The following DNAI2 variants were observed in gnomAD, a reference collection of about 807,000 sequenced individuals.
DNAI2 encodes dynein, axonemal, intermediate polypeptide 2.
A neutral mutation model predicts 74.7 loss-of-function variants in DNAI2; 63 were observed. The observed-to-expected ratio is 0.84, with a 90% confidence interval of 0.69 to 1.04. DNAI2 has a LOEUF of 1.04. DNAI2 is among the 50% of genes least tolerant of loss of function. The probability of loss-of-function intolerance (pLI) is 0.00; values close to 1 mark genes in which losing one functional copy is unlikely to be tolerated. For missense variants in DNAI2, 688 were observed against 803.2 expected (o/e 0.86, Z 1.73); for synonymous variants, 289 against 314.9 (o/e 0.92, Z 0.87).
intron 4 of DNAI2, among the ~76,000 whole-genome samples, chr17:74,288,786 G>A (rs566925052): frequency 4.6e-5 from 7 of 152,086 alleles, no homozygotes; most frequent in Non-Finnish European, 7.3e-5. Flanking sequence ...CTGTGGCCTC[G>A]GTTTTGACCA....
Position 74,291,065 on chromosome 17 carries a change from T to C in DNAI2, c.656T>C (p.Leu219Pro). The change falls in exon 6 of 14, where the codon CTC becomes CCC. Residue 219 changes from leucine to proline, a missense_variant. Transcript: ENST00000311014. ...CTTGCTCTGAAGCCATCGTCTCCACTCGTGACGTTGGAGTTCAACCCCAAA... is the reference window on the plus strand; with the variant it reads ...CTTGCTCTGAAGCCATCGTCTCCACCCGTGACGTTGGAGTTCAACCCCAAA... ...PELALKPSSPLVTLEFNPKDS... is the reference protein window; with the variant it reads ...PELALKPSSPPVTLEFNPKDS... The C allele has an allele frequency of 6.2e-7, 1 of 1,614,192 alleles. No individual in the cohort carries two copies. Among genetic ancestry groups the C allele is most frequent in the African/African-American group, 1.3e-5 (1 of 75,048 alleles).
intron 9 of DNAI2, among the ~76,000 whole-genome samples, chr17:74,306,910 G>T (rs1191956752): frequency 1.3e-5 from 2 of 152,214 alleles, no homozygotes; most frequent in African/African-American, 4.8e-5. Context: ...GAGCCACCGT[G>T]CCTGGTGGAG....
chr17:74,295,615 C>T (rs2052380432), intron 6 of DNAI2, among the ~76,000 whole-genome samples: 1 of 151,512 alleles, frequency 6.6e-6, no homozygotes, highest in African/African-American at 2.4e-5. Context: ...GTGTTTGGGC[C>T]ATACATTTGT....
intron 2 of DNAI2, among the ~76,000 whole-genome samples, chr17:74,282,992 T>C (rs1419853244): frequency 6.6e-6 from 1 of 152,252 alleles, no homozygotes; most frequent in African/African-American, 2.4e-5. Context: ...ATGGCCGCTA[T>C]GTGGGCCACA....
chr17:74,309,788 C>T, intron 10 of DNAI2: 2 of 660,716 alleles, frequency 3.0e-6, no homozygotes, highest in Non-Finnish European at 5.3e-6. Context: ...ATTGGGGAAC[C>T]ACAGGGTGAC....
intron 6 of DNAI2, among the ~76,000 whole-genome samples, chr17:74,296,126 CCTG>C (rs2052407140): frequency 6.6e-6 from 1 of 152,120 alleles, no homozygotes; most frequent in African/African-American, 2.4e-5. Flanking sequence ...TTTTCAAAGC[CCTG>C]TGGACACATC....
At chr17:74,292,837 T>C (rs2052198573) in intron 6 of DNAI2, among the ~76,000 whole-genome samples, 1 of 150,992 alleles carries the variant, frequency 6.6e-6, no homozygotes. Context: ...AGTTTTCCTT[T>C]TTTTTTTTTT....
At chr17:74,305,102 T>TGATCTGAG in intron 8 of DNAI2, 117 bp from the exon 9 acceptor site, 1 of 1,044,754 alleles carries the variant, frequency 9.6e-7, no homozygotes, top group South Asian at 1.3e-5. Flanking sequence ...TGCCAAGGCT[T>TGATCTGAG]GATCTGAGGG....
At chr17:74,307,455 G>A (rs1405300481) in intron 9 of DNAI2, 7 of 369,832 alleles carry the variant, frequency 1.9e-5, no homozygotes, top group African/African-American at 6.4e-5. Context: ...ATCACTTGAG[G>A]TCAGGAGTTC....
At position 74,292,934 on chromosome 17, in the gene DNAI2, A is replaced by G. The variant is rs546240174; in HGVS notation, c.724+1801A>G. Among the ~76,000 whole-genome samples the G allele has an allele frequency of 5.3e-5, 8 of 150,800 alleles. No individual in the cohort carries two copies. The East Asian group carries it at 1.6e-3, about 29-fold the overall frequency. On this transcript the variant is annotated intron_variant, in intron 6 of 13. Transcript: ENST00000311014. ...AAGCTCTGCCTCCTGGGTTCACGCC[A>G]TTCTCCTGCCTCAGCCTTCCGAGTA...
At position 74,314,163 on chromosome 17, in the gene DNAI2, G is replaced by A; in HGVS notation, c.1765G>A (p.Glu589Lys). 6.2e-7 allele frequency: 1 copy of A among 1,614,220 alleles called. No individual in the cohort carries two copies. Among genetic ancestry groups the A allele is most frequent in the Non-Finnish European group, 8.5e-7 (1 of 1,180,026 alleles). The change falls in exon 13 of 14, where the codon GAG becomes AAG. Residue 589 changes from glutamate (E) to lysine (K), a missense_variant. By Grantham distance (56) the Glu-to-Lys change is moderately conservative. Coordinates refer to ENST00000311014, the MANE Select transcript of DNAI2 (RefSeq NM_023036.6). ...PEEDQVVEEG[E>K]EAAGEEGDEE... is the part of the protein sequence containing the mutation. ...AGAAGACCAGGTGGTGGAGGAGGGA[G>A]AGGAAGCAGCGGGGGAAGAAGGGGA...
rs374828965 is a variant in DNAI2 at position 74,310,003 on chromosome 17, G to A, written c.1348-14G>A. 31 of 1,613,516 alleles carry A rather than the reference G, an allele frequency of 1.9e-5. No homozygotes were observed. Among genetic ancestry groups the A allele is most frequent in the African/African-American group, 4.0e-5 (3 of 74,898 alleles). The stretch of plus-strand genomic sequence containing the variant: ...CTCTCTCCTCTACCTGGGTCTGCCC[G>A]GCCCCTTCAATAGGTGTGTGACGAG... On this transcript the variant is annotated splice_polypyrimidine_tract_variant and intron_variant, in intron 10 of 13. Transcript: ENST00000311014.
chr17:74,299,994 G>A, intron 7 of DNAI2, 137 bp downstream of exon 7: 1 of 1,352,774 alleles, frequency 7.4e-7, no homozygotes, highest in Admixed American at 2.0e-5. Context: ...TGTTGCCCAG[G>A]CTGGAGTGCA....
At position 74,305,322 on chromosome 17, in the gene DNAI2, A is replaced by G. The variant is rs1440336610; in HGVS notation, c.1091A>G (p.His364Arg). The change falls in exon 9 of 14, where the codon CAT (histidine) becomes CGT (arginine). Residue 364 changes from histidine (H) to arginine (R), a missense_variant. By Grantham distance (29) the His-to-Arg change is conservative (BLOSUM62 0). Transcript: ENST00000311014. Reference sequence around the variant, plus strand: ...ATTGTGTGCACCTTCCCGGGCCATCATGGCCCCATCTACGCCCTCCAGAGA... The same window carrying G: ...ATTGTGTGCACCTTCCCGGGCCATCGTGGCCCCATCTACGCCCTCCAGAGA... The part of the protein sequence containing the change: ...EKIVCTFPGH[H>R]GPIYALQRNP... 2.5e-6 allele frequency: 4 copies of G among 1,614,094 alleles called. No individual in the cohort carries two copies. Among genetic ancestry groups the G allele is most frequent in the Admixed American group, 3.3e-5 (2 of 60,010 alleles).
rs534223470 is a variant in DNAI2, at chr17:74,309,401, T to G, written c.1347+13T>G. On this transcript the variant is annotated intron_variant, in intron 10 of 13. Coordinates refer to ENST00000311014, the MANE Select transcript of DNAI2 (RefSeq NM_023036.6). Reference sequence around the variant, plus strand: ...CCTCAGCTTGAAGGTCACGCGCATGTCCCTCCTTGTGCATCCAGGTCCTCA... The same window carrying G: ...CCTCAGCTTGAAGGTCACGCGCATGGCCCTCCTTGTGCATCCAGGTCCTCA... 2.3e-4 allele frequency: 372 copies of G among 1,614,094 alleles called. 5 individuals carry two copies. In the South Asian group the frequency reaches 3.5e-3, roughly 15 times the overall value.
chr17:74,308,844 A>C (rs555874511), intron 9 of DNAI2, among the ~76,000 whole-genome samples: 22 of 152,160 alleles, frequency 1.4e-4, no homozygotes, highest in African/African-American at 5.3e-4. Flanking sequence ...CCTGTCAGAC[A>C]CCTGAGGTCA....
chr17:74,294,688 T>C (rs2052331644), intron 6 of DNAI2, among the ~76,000 whole-genome samples: 1 of 152,204 alleles, frequency 6.6e-6, no homozygotes. Flanking sequence ...CAAGAGTCTC[T>C]GTCTTCAGCT....
At chr17:74,298,076 A>T (rs1325933429) in intron 6 of DNAI2, among the ~76,000 whole-genome samples, 5 of 152,298 alleles carry the variant, frequency 3.3e-5, no homozygotes, top group African/African-American at 1.2e-4. Flanking sequence ...CCAGAGCTCT[A>T]AAAGACTGAG....
At chr17:74,314,481 C>T (rs2053715220) in intron 13 of DNAI2, 108 bp from the exon 14 acceptor site, 1 of 524,936 alleles carries the variant, frequency 1.9e-6, no homozygotes, top group Non-Finnish European at 3.3e-6. Context: ...CTCAGCCACC[C>T]TGAGCCCACC....
Sources: allele counts gnomAD v4.1 joint callset (sites outside exome capture counted in the v4.1 genomes callset), GRCh38; gene constraint gnomAD v4.1.1; transcripts MANE v1.5; gene names NCBI Gene and HGNC (gene_info 2026-07-23, HGNC 2026-07-21).